CLHC1: variants seen among roughly 807,000 people sequenced by gnomAD.
The protein encoded by CLHC1 is clathrin heavy chain linker domain-containing protein 1.
A neutral mutation model predicts 69.5 loss-of-function variants in CLHC1; 72 were observed. The ratio of observed to expected loss-of-function variants is 1.04; its 90% CI spans 0.86 to 1.26. CLHC1 has a LOEUF of 1.26. CLHC1 is among the 50% of genes most tolerant of loss of function. CLHC1 has a pLI of 0.00. For synonymous variants in CLHC1, 223 were observed against 224.3 expected, an observed-to-expected ratio of 0.99 and a Z score of 0.05; for missense variants, 790 against 679.3, an observed-to-expected ratio of 1.16 and a Z score of -1.81.
At chr2:55,197,904 G>A (rs1278684735) in intron 9 of CLHC1, among the ~76,000 whole-genome samples, 1 of 152,132 alleles carries the variant, frequency 6.6e-6, no homozygotes, top group African/African-American at 2.4e-5. Flanking sequence ...AACCTTTCAG[G>A]CAGAGAATTC....
In CLHC1 at chr2:55,209,795, A is replaced by G. The variant is rs200036957; in HGVS notation, c.536T>C (p.Leu179Pro). The change falls in exon 6 of 13, where the codon CTC becomes CCC. Residue 179 changes from leucine (L) to proline (P), a missense_variant. By Grantham distance (98) the Leu-to-Pro change is moderately conservative. Coordinates refer to ENST00000401408, the MANE Select transcript of CLHC1 (RefSeq NM_152385.4). ...TLQESMNLDA[L>P]TKYMKHLEDK... ...TTCAAGATGTTTCATGTATTTAGTG[A>G]GAGCATCTAGATTCATGGATTCTTG... The G allele has an allele frequency of 5.0e-6, 8 of 1,610,506 alleles. No homozygotes were observed. In the East Asian group the frequency reaches 1.6e-4, roughly 31 times the overall value.
chr2:55,209,932 A>C (rs934970362), intron 5 of CLHC1, 101 bp from the exon 6 acceptor site: 1 of 720,596 alleles, frequency 1.4e-6, no homozygotes, highest in Non-Finnish European at 2.3e-6. Context: ...TTAAGAAACA[A>C]TTTAGAAATG....
chr2:55,218,652 TC>T (rs1673813487), intron 3 of CLHC1: 1 of 152,238 alleles, frequency 6.6e-6, no homozygotes, highest in Admixed American at 6.5e-5. Flanking sequence ...GTCCAGACTT[TC>T]CATTGTACAA....
intron 2 of CLHC1, among the ~76,000 whole-genome samples, chr2:55,223,004 A>G (rs1674302339): frequency 6.6e-6 from 1 of 151,990 alleles, no homozygotes; most frequent in East Asian, 1.9e-4. Context: ...ACACCAGTCA[A>G]TGAAGAGCTC....
At chr2:55,221,935 C>A (rs776350122) in intron 3 of CLHC1, among the ~76,000 whole-genome samples, 1 of 152,150 alleles carries the variant, frequency 6.6e-6, no homozygotes, top group Non-Finnish European at 1.5e-5. Flanking sequence ...TATGAGTGTG[C>A]CACTGCACTC....
At chr2:55,224,878 C>T (rs934709) in intron 2 of CLHC1, 40,537 of 213,052 alleles carry the variant, frequency 0.19, 4,092 homozygotes, top group East Asian at 0.33. Flanking sequence ...TGGCAGCACC[C>T]TGCACGGAGC....
rs371623033 is a variant in CLHC1, at chr2:55,209,601, C to G, written c.701+29G>C. On this transcript the variant is annotated intron_variant, in intron 6 of 12. Coordinates refer to ENST00000401408, the MANE Select transcript of CLHC1 (RefSeq NM_152385.4). ...GAATAAACACAAATAAAACTCCAAA[C>G]TTTAAAAACATATAATCAACTTCCA... 59 of 1,605,450 alleles carry G rather than the reference C, an allele frequency of 3.7e-5. 1 individual carries two copies. The African/African-American group carries it at 7.1e-4, about 19-fold the overall frequency.
intron 3 of CLHC1, among the ~76,000 whole-genome samples, chr2:55,219,925 A>G (rs1673949422): frequency 6.6e-6 from 1 of 152,056 alleles, no homozygotes; most frequent in South Asian, 2.1e-4. Context: ...TGGTAGAGAC[A>G]GAGTGTTGCT....
chr2:55,221,391 G>A (rs1674099360), intron 3 of CLHC1, among the ~76,000 whole-genome samples: 1 of 152,148 alleles, frequency 6.6e-6, no homozygotes, highest in Admixed American at 6.5e-5. Flanking sequence ...GTTCCACAAA[G>A]TCAGAGCATT....
intron 1 of CLHC1, among the ~76,000 whole-genome samples, chr2:55,230,018 G>A (rs549419037): frequency 6.6e-6 from 1 of 152,342 alleles, no homozygotes; most frequent in East Asian, 1.9e-4. Context: ...TTTGCGGTGA[G>A]CCAAGATTGT....
In CLHC1 at chr2:55,206,272, T is replaced by C. The variant is rs1279731466; in HGVS notation, c.1004A>G (p.Lys335Arg). 1 of 1,559,274 alleles carries C rather than the reference T, an allele frequency of 6.4e-7. No individual in the cohort carries two copies. The highest frequency in any genetic ancestry group is 8.8e-7 in the Non-Finnish European group (1 of 1,130,776). Residue 335 changes from lysine (K) to arginine (R), a missense_variant and splice_region_variant, in exon 9 of 13, where the codon AAG becomes AGG. Lys to Arg is a conservative substitution (Grantham distance 26). Coordinates refer to ENST00000401408, the MANE Select transcript of CLHC1 (RefSeq NM_152385.4). Reference protein sequence around the residue: ...LRNIGTMNTFKAVGKIRGKPL... With the variant: ...LRNIGTMNTFRAVGKIRGKPL... Reference sequence around the variant, plus strand: ...AAGGTTCAGAGAGAAATGCTTACCCTTAAATGTATTCATTGTACCAATGTT... The same window carrying C: ...AAGGTTCAGAGAGAAATGCTTACCCCTAAATGTATTCATTGTACCAATGTT...
intron 9 of CLHC1, among the ~76,000 whole-genome samples, chr2:55,192,888 C>CTTT (rs71410488): frequency 3.4e-5 from 4 of 117,208 alleles, no homozygotes; most frequent in Non-Finnish European, 3.7e-5. Context: ...ATCTCTGTGA[C>CTTT]TTTTTTTTTT....
At chr2:55,218,142 C>T (rs1673762624) in intron 3 of CLHC1, 144 bp from the exon 4 acceptor site, 2 of 456,486 alleles carry the variant, frequency 4.4e-6, no homozygotes, top group Non-Finnish European at 7.6e-6. Context: ...CAAGCTCAAA[C>T]ATAATTGGAC....
chr2:55,193,819 T>C (rs1002127294), intron 9 of CLHC1, among the ~76,000 whole-genome samples: 2 of 152,160 alleles, frequency 1.3e-5, no homozygotes, highest in African/African-American at 2.4e-5. Context: ...AAAACTTGTA[T>C]ACAAATGTTC....
intron 4 of CLHC1, among the ~76,000 whole-genome samples, chr2:55,216,704 G>T (rs2104001900): frequency 6.8e-6 from 1 of 147,598 alleles, no homozygotes; most frequent in Non-Finnish European, 1.5e-5. Flanking sequence ...AAACTTTTTT[G>T]TAACGACAGG....
chr2:55,175,103 A>C lies in CLHC1; in HGVS notation c.*687T>G, dbSNP rs1320367599. 6.6e-6 allele frequency: 1 copy of C among 152,164 alleles called. No homozygotes were observed. The highest frequency in any genetic ancestry group is 6.5e-5 in the Admixed American group (1 of 15,272). The allele number at this position is 152,164 out of a possible 1,614,324, so 9.4% of individuals were successfully genotyped here. A position where few individuals can be genotyped will look rare whatever the true frequency, so the allele number is the denominator to read the frequency against. On this transcript the variant is annotated 3_prime_UTR_variant, in exon 13 of 13. Transcript: ENST00000401408. ...ATGGCACAGAACTTTCAGAGTTTTC[A>C]ATCAAATACTTATTCAGACACTTGA...
chr2:55,198,088 C>G lies in CLHC1; in HGVS notation c.1006+8182G>C, dbSNP rs146545168. The stretch of plus-strand genomic sequence containing the variant: ...TGAAGAATGCATCAAAGTCTCTCAG[C>G]AGCAGAATTAATCAAGCAGATTAGT... On this transcript the variant is annotated intron_variant, in intron 9 of 12. Transcript: ENST00000401408. 2.1e-3 allele frequency among the ~76,000 whole-genome samples: 317 copies of G among 152,208 alleles called. 1 individual carries two copies. Among genetic ancestry groups the G allele is most frequent in the Middle Eastern group, 6.8e-3 (2 of 294 alleles).
intron 9 of CLHC1, among the ~76,000 whole-genome samples, chr2:55,194,968 G>A (rs2103813453): frequency 6.6e-6 from 1 of 151,686 alleles, no homozygotes; most frequent in South Asian, 2.1e-4. Context: ...CCAGTCTGGA[G>A]TACAGTGGTG....
At chr2:55,205,751 T>C (rs1672379127) in intron 9 of CLHC1, 1 of 152,176 alleles carries the variant, frequency 6.6e-6, no homozygotes, top group South Asian at 2.1e-4. Context: ...AAAATTTAGA[T>C]GGGTGTGGTG....
Sources: gnomAD v4.1 joint callset for allele counts (sites outside exome capture counted in the v4.1 genomes callset) on GRCh38, gnomAD v4.1.1 for gene constraint, MANE v1.5 for transcripts, NCBI Gene and HGNC (gene_info 2026-07-23, HGNC 2026-07-21) for gene names.